ATPAF1: variants seen among roughly 807,000 people sequenced by gnomAD.
ATPAF1 encodes the protein homolog of yeast ATP11.
ATPAF1 carries 26 observed loss-of-function variants against 43.9 expected under a neutral mutation model. The ratio of observed to expected loss-of-function variants is 0.59; its 90% CI spans 0.43 to 0.82. The LOEUF (loss-of-function observed/expected upper bound fraction) is 0.82, where lower values mean the gene tolerates loss of function less well. Among genes scored for constraint, ATPAF1 ranks in the 40% least tolerant of loss-of-function variants. The pLI, the probability that ATPAF1 is intolerant of heterozygous loss-of-function variation, is 0.00. For missense variants in ATPAF1, 366 were observed against 435.0 expected, an observed-to-expected ratio of 0.84 and a Z score of 1.41; for synonymous variants, 157 against 168.0, an observed-to-expected ratio of 0.93 and a Z score of 0.50.
intron 2 of ATPAF1, chr1:46,663,759 T>A: frequency 1.1e-6 from 1 of 903,734 alleles, no homozygotes; most frequent in Non-Finnish European, 1.4e-6. Context: ...AAAAAAGTAT[T>A]TTCCAAGTAA....
intron 4 of ATPAF1, among the ~76,000 whole-genome samples, chr1:46,657,418 A>T (rs1676292563): frequency 6.6e-6 from 1 of 152,182 alleles, no homozygotes; most frequent in African/African-American, 2.4e-5. Context: ...TCCTGTGATA[A>T]TGGAGAGCTA....
At chr1:46,652,265 C>A (rs1489895067) in intron 6 of ATPAF1, among the ~76,000 whole-genome samples, 11 of 150,170 alleles carry the variant, frequency 7.3e-5, no homozygotes, top group Non-Finnish European at 1.5e-4. Flanking sequence ...CCAAAACGCA[C>A]TTGTACCGAT....
chr1:46,646,011 C>T (rs533956261), intron 6 of ATPAF1, among the ~76,000 whole-genome samples: 4 of 151,810 alleles, frequency 2.6e-5, no homozygotes, highest in Non-Finnish European at 4.4e-5. Flanking sequence ...CCCGTCACTA[C>T]AAAAAAATAA....
At chr1:46,652,424 C>A (rs2289446) in intron 6 of ATPAF1, 157 bp downstream of exon 6, 162,112 of 621,162 alleles carry the variant, frequency 0.26, 24,145 homozygotes, top group East Asian at 0.39. Flanking sequence ...GTAAACAGAG[C>A]ACTATAACTT....
exon 8 of ATPAF1, chr1:46,643,234 C>T: frequency 2.5e-6 from 4 of 1,613,954 alleles, no homozygotes; most frequent in Non-Finnish European, 3.4e-6. Context: ...CAGCACTATG[C>T]CCTTTTCTTC....
Position 46,668,085 on chromosome 1 carries a change from A to G in ATPAF1, c.238T>C (p.Tyr80His). 2 of 1,450,190 alleles carry G rather than the reference A, an allele frequency of 1.4e-6. No individual in the cohort carries two copies. The highest frequency in any genetic ancestry group is 1.8e-6 in the Non-Finnish European group (2 of 1,098,980). 89.8% of individuals were successfully genotyped at this position (1,450,190 alleles called of 1,614,324 possible). Reference sequence around the variant, plus strand: ...CGCAGCAGCTGGATCTTGTCGCGGTAGCGGTCGTAGAAAGGGTTGGCCTGG... The same window carrying G: ...CGCAGCAGCTGGATCTTGTCGCGGTGGCGGTCGTAGAAAGGGTTGGCCTGG... Residue 80 changes from tyrosine (Y) to histidine (H), a missense_variant, in exon 1 of 9, where the codon TAC becomes CAC. Physicochemically the swap from Tyr to His is moderately conservative, Grantham distance 83 (BLOSUM62 2). Coordinates refer to ENST00000574428, the Ensembl canonical transcript of ATPAF1. This position sits in a 1 kb window ranked among gnomAD's most constrained non-coding sequence, Gnocchi z 4.4.
intron 8 of ATPAF1, among the ~76,000 whole-genome samples, chr1:46,636,943 C>T (rs531576104): frequency 3.3e-5 from 5 of 152,230 alleles, no homozygotes; most frequent in Admixed American, 6.5e-5. Flanking sequence ...TGGATGCAGA[C>T]GCTCAAGCCC....
At chr1:46,648,583 G>C (rs1350205105) in intron 6 of ATPAF1, among the ~76,000 whole-genome samples, 3 of 152,048 alleles carry the variant, frequency 2.0e-5, no homozygotes, top group Non-Finnish European at 2.9e-5. Flanking sequence ...ATTGCCCAAG[G>C]TGATTTTTTT....
chr1:46,644,838 C>T (rs150995291), intron 7 of ATPAF1, among the ~76,000 whole-genome samples: 1 of 152,238 alleles, frequency 6.6e-6, no homozygotes, highest in East Asian at 1.9e-4. Flanking sequence ...GGGCTTCTAG[C>T]TTGGGTTAAA....
At chr1:46,661,550 A>G (rs1676387466) in intron 2 of ATPAF1, among the ~76,000 whole-genome samples, 2 of 152,204 alleles carry the variant, frequency 1.3e-5, no homozygotes, top group East Asian at 3.8e-4. Flanking sequence ...GTTAAAAAAT[A>G]CTTTTCTTTA....
In ATPAF1 at chr1:46,665,276, TA is replaced by T; in HGVS notation, c.354del (p.Phe118LeufsTer17). ...CTTACCTTCTGTTCCACACATTTGA[TA>T]AAATCACCTTGCCTGGAATGCCCCA... On this transcript the variant is annotated frameshift_variant, in exon 2 of 9. Coordinates refer to ENST00000574428, the Ensembl canonical transcript of ATPAF1. LOFTEE classifies it high-confidence loss of function. The T allele has an allele frequency of 6.2e-7, 1 of 1,614,270 alleles. No individual in the cohort carries two copies. The highest frequency in any genetic ancestry group is 8.5e-7 in the Non-Finnish European group (1 of 1,180,052).
chr1:46,658,174 A>G, exon 4 of ATPAF1: 1 of 1,609,644 alleles, frequency 6.2e-7, no homozygotes, highest in Non-Finnish European at 8.5e-7. Context: ...TCAATGTTAA[A>G]GATTGAACTG....
chr1:46,658,778 A>G (rs761922401), intron 2 of ATPAF1, 41 bp from the exon 3 acceptor site: 1 of 1,451,724 alleles, frequency 6.9e-7, no homozygotes, highest in Admixed American at 2.3e-5. Context: ...CACTTTACTC[A>G]TAAGAAAAAA....
At chr1:46,646,234 A>G (rs1020837721) in intron 6 of ATPAF1, among the ~76,000 whole-genome samples, 2 of 152,200 alleles carry the variant, frequency 1.3e-5, no homozygotes, top group Non-Finnish European at 2.9e-5. Context: ...TTTTTACTTC[A>G]TAGTATGCTT....
intron 7 of ATPAF1, among the ~76,000 whole-genome samples, chr1:46,643,628 A>T (rs542824247): frequency 4.6e-5 from 7 of 152,382 alleles, no homozygotes; most frequent in African/African-American, 1.7e-4. Flanking sequence ...TTCTAAAGAA[A>T]GCAATGTGCC....
At chr1:46,646,722 G>C (rs894994841) in intron 6 of ATPAF1, among the ~76,000 whole-genome samples, 3 of 152,136 alleles carry the variant, frequency 2.0e-5, no homozygotes, top group African/African-American at 7.2e-5. Context: ...ATACAACAAA[G>C]TGCACATATT....
exon 9 of ATPAF1, chr1:46,635,969 T>C (rs1675831428): frequency 6.2e-7 from 1 of 1,614,050 alleles, no homozygotes; most frequent in Non-Finnish European, 8.5e-7. Flanking sequence ...CTCAGCAACA[T>C]TCTGTAAGGT....
At chr1:46,652,097 G>C (rs533128046) in intron 6 of ATPAF1, among the ~76,000 whole-genome samples, 3 of 151,156 alleles carry the variant, frequency 2.0e-5, no homozygotes, top group Non-Finnish European at 4.4e-5. Flanking sequence ...TGATAGATGT[G>C]CTAATTATTC....
intron 8 of ATPAF1, among the ~76,000 whole-genome samples, chr1:46,642,960 A>G (rs1675975708): frequency 6.6e-6 from 1 of 152,228 alleles, no homozygotes; most frequent in Admixed American, 6.5e-5. Context: ...GAGAACAAAA[A>G]CATTTTGTTC....
Sources: gnomAD v4.1 joint callset for allele counts (sites outside exome capture counted in the v4.1 genomes callset) on GRCh38, gnomAD v4.1.1 for gene constraint, Gnocchi (gnomAD v3.1) non-coding constraint, MANE v1.5 for transcripts, NCBI Gene and HGNC (gene_info 2026-07-23, HGNC 2026-07-21) for gene names.